TNP2: variants seen among roughly 807,000 people sequenced by gnomAD.
TNP2 encodes the protein nuclear transition protein 2.
A neutral mutation model predicts 8.5 loss-of-function variants in TNP2; 10 were observed. That is an observed-to-expected ratio of 1.17 (90% CI 0.72 to 1.99). The LOEUF is 1.99. Among genes scored for constraint, TNP2 ranks in the 30% most tolerant of loss-of-function variants. TNP2 has a pLI of 0.00. For missense variants in TNP2, 222 were observed against 181.2 expected, an observed-to-expected ratio of 1.23 and a Z score of -1.29; for synonymous variants, 80 against 62.3, an observed-to-expected ratio of 1.28 and a Z score of -1.34.
Position 11,269,145 on chromosome 16 carries a change from T to C in TNP2, c.118A>G (p.Ser40Gly), listed in dbSNP as rs1319825742. The C allele has an allele frequency of 1.2e-6, 2 of 1,613,926 alleles. No homozygotes were observed. The highest frequency in any genetic ancestry group is 4.5e-5 in the East Asian group (2 of 44,882). Residue 40 changes from serine to glycine, a missense_variant, in exon 1 of 2, where the codon AGC (serine) becomes GGC (glycine). Physicochemically the swap from Ser to Gly is moderately conservative, Grantham distance 56. Transcript: ENST00000312693. ...CTCTGGCTCCGGCTGCCACGATGGC[T>C]CTGTCTGCAACTCTGGCTGAAGGTT... ...CQTFSQSCRQSHRGSRSQSSS... is the reference protein window; with the variant it reads ...CQTFSQSCRQGHRGSRSQSSS...
chr16:11,269,019 G>A lies in TNP2; in HGVS notation c.244C>T (p.His82Tyr). The change falls in exon 1 of 2, where the codon CAC (histidine) becomes TAC (tyrosine). Residue 82 changes from histidine (H) to tyrosine (Y), a missense_variant. By Grantham distance (83) the His-to-Tyr change is moderately conservative (BLOSUM62 2). Coordinates refer to ENST00000312693, the MANE Select transcript of TNP2 (RefSeq NM_005425.5). ...SPNTSPPPKRHKKTMNSHHSP... is the reference protein window; with the variant it reads ...SPNTSPPPKRYKKTMNSHHSP... ...TGGTGGGAGTTCATAGTCTTTTTGTGGCGCTTTGGTGGTGGACTAGTGTTG... is the reference window on the plus strand; with the variant it reads ...TGGTGGGAGTTCATAGTCTTTTTGTAGCGCTTTGGTGGTGGACTAGTGTTG... 6.2e-7 allele frequency: 1 copy of A among 1,613,914 alleles called. No individual in the cohort carries two copies. Among genetic ancestry groups the A allele is most frequent in the Non-Finnish European group, 8.5e-7 (1 of 1,179,888 alleles).
In TNP2 at chr16:11,269,189, G is replaced by T; in HGVS notation, c.74C>A (p.Thr25Asn). 6.2e-7 allele frequency: 1 copy of T among 1,611,902 alleles called. No homozygotes were observed. Among genetic ancestry groups the T allele is most frequent in the Non-Finnish European group, 8.5e-7 (1 of 1,179,876 alleles). The change falls in exon 1 of 2, where the codon ACC becomes AAC. Residue 25 changes from threonine to asparagine, a missense_variant. Physicochemically the swap from Thr to Asn is moderately conservative, Grantham distance 65. Transcript: ENST00000312693. The part of the protein sequence containing the change: ...LHSNSQPQSR[T>N]CTRHCQTFSQ... ...GAAGGTTTGGCAATGGCGGGTGCAG[G>T]TGCGGCTTTGGGGCTGAGAGTTGCT...
At position 11,268,597 on chromosome 16, in the gene TNP2, C is replaced by G. The variant is rs139465406; in HGVS notation, c.400+266G>C. 7.0e-5 allele frequency: 31 copies of G among 445,890 alleles called. No homozygotes were observed. In the East Asian group the frequency reaches 8.9e-4, roughly 13 times the overall value. The allele number at this position is 445,890 out of a possible 1,614,324, so 27.6% of individuals were successfully genotyped here. A position where few individuals can be genotyped will look rare whatever the true frequency, so the allele number is the denominator to read the frequency against. On this transcript the variant is annotated intron_variant, in intron 1 of 1. Transcript: ENST00000312693. ...TTACCCACCCAGTCATCCACCCAAC[C>G]TCTCAACTCCATTCATGCTTTCATC...
chr16:11,268,375 A>G lies in TNP2; in HGVS notation c.401-363T>C, dbSNP rs1233898965. On this transcript the variant is annotated intron_variant, in intron 1 of 1. Transcript: ENST00000312693. The stretch of plus-strand genomic sequence containing the variant: ...ATCAAACCAACCCATCAAAACTTCT[A>G]CAACTATTTAACTCTATTTCTAACC... 3 of 274,720 alleles carry G rather than the reference A, an allele frequency of 1.1e-5. No individual in the cohort carries two copies. In the South Asian group the frequency reaches 2.6e-4, roughly 24 times the overall value. The allele number at this position is 274,720 out of a possible 1,614,324, so 17.0% of individuals were successfully genotyped here. A position where few individuals can be genotyped will look rare whatever the true frequency, so the allele number is the denominator to read the frequency against.
At position 11,268,233 on chromosome 16, in the gene TNP2, C is replaced by T. The variant is rs376468189; in HGVS notation, c.401-221G>A. The T allele has an allele frequency of 3.9e-4, 197 of 508,066 alleles. 3 individuals are homozygous for T. The South Asian group carries it at 4.1e-3, about 11-fold the overall frequency. 31.5% of individuals were successfully genotyped at this position (508,066 alleles called of 1,614,324 possible). A position where few individuals can be genotyped will look rare whatever the true frequency, so the allele number is the denominator to read the frequency against. ...TCATCCACCCATTCATTAGTTCACT[C>T]ATTCCATTCATTTATTCAACATTTC... On this transcript the variant is annotated intron_variant, in intron 1 of 1. Coordinates refer to ENST00000312693, the MANE Select transcript of TNP2 (RefSeq NM_005425.5).
rs2069731229 is a variant in TNP2, at chr16:11,268,030, G to A, written c.401-18C>T. The A allele has an allele frequency of 6.2e-7, 1 of 1,612,218 alleles. No homozygotes were observed. Among genetic ancestry groups the A allele is most frequent in the East Asian group, 2.2e-5 (1 of 44,880 alleles). ...TTTCCATCCTAAGGGATAAGAGTGG[G>A]AAAGGAACCTTTAATAGCTGAGCAC... On this transcript the variant is annotated intron_variant, in intron 1 of 1. Transcript: ENST00000312693.
chr16:11,268,646 C>G (rs937977287), intron 1 of TNP2: 2 of 513,846 alleles, frequency 3.9e-6, no homozygotes, highest in Non-Finnish European at 6.6e-6. Context: ...ATCTGTCCAT[C>G]TTTCCATCCT....
chr16:11,268,711 A>G, intron 1 of TNP2, 152 bp downstream of exon 1: 2 of 793,494 alleles, frequency 2.5e-6, no homozygotes, highest in Non-Finnish European at 3.8e-6. Flanking sequence ...TCATACATTC[A>G]GCTAGCCAAC....
chr16:11,267,917 C>G lies in TNP2; in HGVS notation c.*79G>C, dbSNP rs540666019. Reference sequence around the variant, plus strand: ...TAGAAATCACCATAGTAACATGTTCCTGCAAGAAGATTGACTTCATCCTAG... The same window carrying G: ...TAGAAATCACCATAGTAACATGTTCGTGCAAGAAGATTGACTTCATCCTAG... On this transcript the variant is annotated 3_prime_UTR_variant, in exon 2 of 2. Transcript: ENST00000312693. The G allele has an allele frequency of 4.7e-6, 7 of 1,476,224 alleles. No individual in the cohort carries two copies. The highest frequency in any genetic ancestry group is 1.8e-4 in the Middle Eastern group (1 of 5,450). 91.4% of individuals were successfully genotyped at this position (1,476,224 alleles called of 1,614,324 possible). A position where few individuals can be genotyped will look rare whatever the true frequency, so the allele number is the denominator to read the frequency against.
rs780748893 is a variant in TNP2 at position 11,268,986 on chromosome 16, TG to T, written c.276del (p.Met93CysfsTer21). 2 of 1,613,940 alleles carry T rather than the reference TG, an allele frequency of 1.2e-6. No homozygotes were observed. The highest frequency in any genetic ancestry group is 2.2e-5 in the East Asian group (1 of 44,882). On this transcript the variant is annotated frameshift_variant, in exon 1 of 2. Transcript: ENST00000312693. LOFTEE classifies it high-confidence loss of function. ...HKKTMNSHHS[P>X]MRPTILHCRC... ...CGGCAGTGCAGGATGGTGGGCCGCA[TG>T]GGAGAGTGGTGGGAGTTCATAGTCT...
In TNP2 at chr16:11,267,894, G is replaced by A. The variant is rs1195954038; in HGVS notation, c.*102C>T. The stretch of plus-strand genomic sequence containing the variant: ...TACAAGCTTTAATTAGTGTTGCGTA[G>A]AAATCACCATAGTAACATGTTCCTG... On this transcript the variant is annotated 3_prime_UTR_variant, in exon 2 of 2. Coordinates refer to ENST00000312693, the MANE Select transcript of TNP2 (RefSeq NM_005425.5). 1 of 1,307,868 alleles carries A rather than the reference G, an allele frequency of 7.6e-7. No homozygotes were observed. Among genetic ancestry groups the A allele is most frequent in the East Asian group, 2.5e-5 (1 of 40,680 alleles). 81.0% of individuals were successfully genotyped at this position (1,307,868 alleles called of 1,614,324 possible). A position where few individuals can be genotyped will look rare whatever the true frequency, so the allele number is the denominator to read the frequency against.
intron 1 of TNP2, chr16:11,268,522 A>C (rs953506232): frequency 2.8e-5 from 11 of 397,478 alleles, no homozygotes; most frequent in Middle Eastern, 6.6e-4. Context: ...ACTTCCTATC[A>C]TTCAGCCAAT....
intron 1 of TNP2, 160 bp downstream of exon 1, chr16:11,268,703 A>G (rs2069743147): frequency 5.4e-6 from 4 of 740,758 alleles, no homozygotes; most frequent in Non-Finnish European, 6.2e-6. Flanking sequence ...TCAATGTATC[A>G]TACATTCAGC....
rs571673908 is a variant in TNP2 at position 11,268,147 on chromosome 16, C to A, written c.401-135G>T. 2.4e-4 allele frequency: 181 copies of A among 746,490 alleles called. 2 individuals carry two copies. The African/African-American group carries it at 2.8e-3, about 11-fold the overall frequency. The allele number at this position is 746,490 out of a possible 1,614,324, so 46.2% of individuals were successfully genotyped here. A position where few individuals can be genotyped will look rare whatever the true frequency, so the allele number is the denominator to read the frequency against. On this transcript the variant is annotated intron_variant, in intron 1 of 1. Transcript: ENST00000312693. The stretch of plus-strand genomic sequence containing the variant: ...TGGGACATAGATAGAGTTTAGACTA[C>A]CGTCAGTGTCCTTTTGACCTATGTG...
chr16:11,268,713 C>G, intron 1 of TNP2, 150 bp downstream of exon 1: 1 of 813,570 alleles, frequency 1.2e-6, no homozygotes, highest in East Asian at 2.9e-5. Context: ...ATACATTCAG[C>G]TAGCCAACTG....
chr16:11,268,873 C>T lies in TNP2; in HGVS notation c.390G>A (p.Thr130=), dbSNP rs1380681102. ...CTCCTTAAAGGGTACCTGAGCTCCG[C>T]GTCTTGGTTTTGTACACCTGCTGGA... The part of the protein sequence containing the change: ...KRIQQVYKTK[T]RSSGWKSN The change falls in exon 1 of 2, where the codon ACG becomes ACA. Residue 130 remains threonine (T), a synonymous_variant. Transcript: ENST00000312693. 7 of 1,582,458 alleles carry T rather than the reference C, an allele frequency of 4.4e-6. No individual in the cohort carries two copies. The highest frequency in any genetic ancestry group is 2.7e-5 in the African/African-American group (2 of 73,238).
intron 1 of TNP2, chr16:11,268,302 T>C: frequency 2.6e-6 from 1 of 391,148 alleles, no homozygotes; most frequent in East Asian, 4.7e-5. Flanking sequence ...TTCTTCTCTC[T>C]GTTTATTCAA....
intron 1 of TNP2, 49 bp from the exon 2 acceptor site, chr16:11,268,061 G>T: frequency 6.3e-7 from 1 of 1,590,100 alleles, no homozygotes; most frequent in Non-Finnish European, 8.6e-7. Context: ...AGCACTTCAT[G>T]AAGTCAGTGA....
In TNP2 at chr16:11,267,954, T is replaced by G. The variant is rs1199928544; in HGVS notation, c.*42A>C. The G allele has an allele frequency of 6.2e-7, 1 of 1,604,336 alleles. No homozygotes were observed. Among genetic ancestry groups the G allele is most frequent in the Non-Finnish European group, 8.5e-7 (1 of 1,174,502 alleles). On this transcript the variant is annotated 3_prime_UTR_variant, in exon 2 of 2. Transcript: ENST00000312693. ...TGACTTCATCCTAGCATTTTCTCCT[T>G]TGGGTGAAACACGCAGGAACAAGCC...
Sources: gnomAD v4.1 joint callset for allele counts on GRCh38, gnomAD v4.1.1 for gene constraint, MANE v1.5 for transcripts, NCBI Gene and HGNC (gene_info 2026-07-23, HGNC 2026-07-21) for gene names.